Variants in TAFA2 observed in about 807,000 individuals in gnomAD.
TAFA2 encodes the protein TAFA chemokine like family member 2, also known as chemokine-like protein TAFA-2.
Under a neutral mutation model 18.8 loss-of-function variants are expected in TAFA2, and 7 were observed. The observed-to-expected ratio is 0.37, with a 90% confidence interval of 0.21 to 0.70. The LOEUF (loss-of-function observed/expected upper bound fraction) is 0.70, where lower values mean the gene tolerates loss of function less well. Among genes scored for constraint, TAFA2 ranks in the 30% least tolerant of loss-of-function variants. TAFA2 has a pLI of 0.53. For missense variants in TAFA2, 122 were observed against 158.1 expected (o/e 0.77, Z 1.23); for synonymous variants, 60 against 54.2 (o/e 1.11, Z -0.47).
intron 1 of TAFA2, among the ~76,000 whole-genome samples, chr12:62,085,402 C>A (rs188784447): frequency 6.6e-6 from 1 of 152,148 alleles, no homozygotes; most frequent in Admixed American, 6.5e-5. Context: ...TTGTAGACCA[C>A]GTGTTTACAA....
intron 1 of TAFA2, among the ~76,000 whole-genome samples, chr12:61,953,899 C>T (rs574390371): frequency 4.6e-5 from 7 of 152,088 alleles, no homozygotes; most frequent in African/African-American, 1.7e-4. Context: ...TTTTGAAAAG[C>T]GTATTAAGAA....
chr12:62,011,230 G>T (rs114106147), intron 1 of TAFA2, among the ~76,000 whole-genome samples: 16,572 of 152,216 alleles, frequency 0.11, 1,143 homozygotes, highest in East Asian at 0.17. Flanking sequence ...TGTCTGGGAA[G>T]TGTACCCAGC....
At chr12:61,715,124 C>T (rs1049317495) in intron 4 of TAFA2, among the ~76,000 whole-genome samples, 16 of 152,220 alleles carry the variant, frequency 1.1e-4, no homozygotes, top group African/African-American at 3.6e-4. Context: ...AAACAAGATA[C>T]AAAAGGTGAT....
intron 1 of TAFA2, among the ~76,000 whole-genome samples, chr12:61,919,391 C>T (rs981766939): frequency 4.6e-5 from 7 of 152,156 alleles, no homozygotes; most frequent in African/African-American, 1.7e-4. Flanking sequence ...GCCTAGAAAA[C>T]CCTTCCAATT....
chr12:61,984,164 T>C (rs1400174120), intron 1 of TAFA2, among the ~76,000 whole-genome samples: 1 of 152,212 alleles, frequency 6.6e-6, no homozygotes, highest in Non-Finnish European at 1.5e-5. Context: ...AAGGATTTTG[T>C]TATTGTATTC....
intron 1 of TAFA2, among the ~76,000 whole-genome samples, chr12:62,055,200 T>C (rs1882157210): frequency 6.6e-6 from 1 of 152,192 alleles, no homozygotes; most frequent in South Asian, 2.1e-4. Flanking sequence ...AGCACCTTGA[T>C]CTTGGACTTC....
At chr12:62,240,101 A>T (rs1245187920) in intron 1 of TAFA2, among the ~76,000 whole-genome samples, 1 of 151,234 alleles carries the variant, frequency 6.6e-6, no homozygotes, top group Non-Finnish European at 1.5e-5. Flanking sequence ...TATATACTAA[A>T]TATGTTATAT....
chr12:61,727,756 GGGTTT>G lies in TAFA2; in HGVS notation c.385-17344_385-17340del, dbSNP rs370731823. ...TTATTTCTTTTCTTCTGCTGGGTAT[GGGTTT>G]GGTTTGTTCTTTTTTCTCTAAATAC... On this transcript the variant is annotated intron_variant, in intron 4 of 4. Transcript: ENST00000416284. 1.9e-3 allele frequency among the ~76,000 whole-genome samples: 286 copies of G among 151,968 alleles called. 1 individual carries two copies. Among genetic ancestry groups the G allele is most frequent in the Middle Eastern group, 0.014 (4 of 292 alleles).
intron 2 of TAFA2, among the ~76,000 whole-genome samples, chr12:61,852,388 C>A (rs529416952): frequency 2.0e-5 from 3 of 152,008 alleles, no homozygotes; most frequent in Non-Finnish European, 4.4e-5. Context: ...GGGAACAGAG[C>A]GAGTGAGCTG....
chr12:62,146,220 T>C (rs978989599), intron 1 of TAFA2, among the ~76,000 whole-genome samples: 1 of 151,042 alleles, frequency 6.6e-6, no homozygotes, highest in African/African-American at 2.4e-5. Context: ...AATTCTCCCA[T>C]CCATATGCCA....
intron 1 of TAFA2, among the ~76,000 whole-genome samples, chr12:62,103,458 C>T (rs973318306): frequency 2.0e-5 from 3 of 152,094 alleles, no homozygotes; most frequent in African/African-American, 4.8e-5. Flanking sequence ...TACATGCTTC[C>T]GGCCAGGCAT....
intron 1 of TAFA2, among the ~76,000 whole-genome samples, chr12:62,042,180 A>G (rs377603921): frequency 2.0e-5 from 3 of 152,132 alleles, no homozygotes; most frequent in African/African-American, 7.2e-5. Flanking sequence ...AGTCGTACCC[A>G]TTCCCAAGCT....
At chr12:62,258,713 T>TA (rs1199432742) in intron 1 of TAFA2, 1 of 330,110 alleles carries the variant, frequency 3.0e-6, no homozygotes, top group Non-Finnish European at 6.1e-6. Flanking sequence ...ATGATTCAAT[T>TA]AAAGGGCAAG....
chr12:62,210,564 G>T (rs2062709132), intron 1 of TAFA2, among the ~76,000 whole-genome samples: 1 of 152,204 alleles, frequency 6.6e-6, no homozygotes, highest in South Asian at 2.1e-4. Context: ...TTTTAGACAA[G>T]CATCGCAGTA....
intron 1 of TAFA2, among the ~76,000 whole-genome samples, chr12:62,094,826 T>C (rs1868876684): frequency 6.6e-6 from 1 of 152,002 alleles, no homozygotes; most frequent in African/African-American, 2.4e-5. Context: ...GGCAATTCAA[T>C]CCAGAGCTGT....
intron 1 of TAFA2, among the ~76,000 whole-genome samples, chr12:62,016,620 A>G (rs1172109366): frequency 6.6e-6 from 1 of 151,780 alleles, no homozygotes. Flanking sequence ...TGAGGAGAAA[A>G]CCTCCTTTCC....
chr12:61,716,388 C>T (rs1565747488), intron 4 of TAFA2, among the ~76,000 whole-genome samples: 1 of 152,036 alleles, frequency 6.6e-6, no homozygotes, highest in East Asian at 1.9e-4. Flanking sequence ...ATTATTATGC[C>T]AAAAAAATGC....
chr12:61,792,101 CAAGT>C (rs1476586693), intron 2 of TAFA2, among the ~76,000 whole-genome samples: 1 of 151,462 alleles, frequency 6.6e-6, no homozygotes, highest in Non-Finnish European at 1.5e-5. Context: ...TTAAGTGAAA[CAAGT>C]TAGATACAAA....
chr12:62,192,231 C>T lies in TAFA2; in HGVS notation c.-974G>A, dbSNP rs900139004. The T allele has an allele frequency of 4.6e-5, 7 of 152,228 alleles. No individual in the cohort carries two copies. The highest frequency in any genetic ancestry group is 4.6e-4 in the Admixed American group (7 of 15,276). The allele number at this position is 152,228 out of a possible 1,614,324, so 9.4% of individuals were successfully genotyped here. On this transcript the variant is annotated 5_prime_UTR_variant, in exon 1 of 5. In the 5' UTR this introduces an upstream ATG that the reference lacks. Transcript: ENST00000416284. ...TGCGGGCAGAGCCCCACGCAGCCCA[C>T]CCGCTGCCCTTCTAGGCATCGTGGG...
Sources: allele counts gnomAD v4.1 joint callset (sites outside exome capture counted in the v4.1 genomes callset), GRCh38; gene constraint gnomAD v4.1.1; transcripts MANE v1.5; gene names NCBI Gene and HGNC (gene_info 2026-07-23, HGNC 2026-07-21).